Variants in CNTNAP4 observed in about 807,000 individuals in gnomAD.
CNTNAP4 encodes contactin-associated protein-like 4.
In CNTNAP4, 98 loss-of-function variants were observed where a neutral mutation model predicts 148.4. The ratio of observed to expected loss-of-function variants is 0.66; its 90% CI spans 0.56 to 0.78. The LOEUF (loss-of-function observed/expected upper bound fraction) is 0.78. Among genes scored for constraint, CNTNAP4 ranks in the 30% least tolerant of loss-of-function variants. The pLI is 0.00. For missense variants in CNTNAP4, 1,935 were observed against 1,565.6 expected (o/e 1.24, Z -3.98); for synonymous variants, 730 against 565.1 (o/e 1.29, Z -4.14).
Position 76,349,248 on chromosome 16 carries a change from A to G in CNTNAP4, c.197-6070A>G, listed in dbSNP as rs114553731. Among the ~76,000 whole-genome samples, 991 of 152,252 alleles carry G rather than the reference A, an allele frequency of 6.5e-3. 7 individuals carry two copies. The highest frequency in any genetic ancestry group is 0.023 in the African/African-American group (939 of 41,546). On this transcript the variant is annotated intron_variant, in intron 2 of 23. Coordinates refer to ENST00000611870, the MANE Select transcript of CNTNAP4 (RefSeq NM_033401.5). ...TGTATCTTATCTTCTCAGCATTAAT[A>G]GCAGAAAAGAGTCTGTTCTCCAAAT...
intron 17 of CNTNAP4, 36 bp downstream of exon 17, chr16:76,522,293 G>C: frequency 6.4e-7 from 1 of 1,567,342 alleles, no homozygotes; most frequent in Non-Finnish European, 8.8e-7. Flanking sequence ...TTTATTGTAT[G>C]ATATGTGTTC....
chr16:76,422,941 A>G (rs1241859094), intron 3 of CNTNAP4, among the ~76,000 whole-genome samples: 1 of 152,154 alleles, frequency 6.6e-6, no homozygotes, highest in Non-Finnish European at 1.5e-5. Flanking sequence ...ACAAGATGGT[A>G]TTAGGTGGGG....
intron 2 of CNTNAP4, among the ~76,000 whole-genome samples, chr16:76,351,593 A>G (rs753290634): frequency 6.6e-6 from 1 of 152,234 alleles, no homozygotes; most frequent in African/African-American, 2.4e-5. Context: ...ATTACTTGGT[A>G]TAGCCTAGAA....
intron 23 of CNTNAP4, 59 bp downstream of exon 23, chr16:76,553,966 T>A: frequency 9.6e-7 from 1 of 1,042,582 alleles, no homozygotes; most frequent in Non-Finnish European, 1.5e-6. Context: ...TGATGATGAA[T>A]ATTTAGCATT....
intron 3 of CNTNAP4, among the ~76,000 whole-genome samples, chr16:76,367,993 G>T (rs2014360328): frequency 6.6e-6 from 1 of 152,136 alleles, no homozygotes; most frequent in East Asian, 1.9e-4. Context: ...ACTGTCTAGA[G>T]GTGGGAGCCC....
chr16:76,486,825 T>C (rs115858352), intron 12 of CNTNAP4, among the ~76,000 whole-genome samples: 48 of 152,112 alleles, frequency 3.2e-4, no homozygotes, highest in African/African-American at 1.1e-3. Flanking sequence ...AGCCTCATAA[T>C]TTTGTGAACC....
chr16:76,513,924 A>C (rs914270506), intron 15 of CNTNAP4, among the ~76,000 whole-genome samples: 8 of 152,188 alleles, frequency 5.3e-5, no homozygotes, highest in Non-Finnish European at 1.0e-4. Context: ...TGAAATCAGA[A>C]TCACTCTATC....
intron 3 of CNTNAP4, among the ~76,000 whole-genome samples, chr16:76,397,435 CT>C (rs2144808960): frequency 6.6e-6 from 1 of 151,872 alleles, no homozygotes; most frequent in South Asian, 2.1e-4. Context: ...CCATTTTCTC[CT>C]TTTCAAGGAG....
chr16:76,453,972 C>A (rs189547515), intron 8 of CNTNAP4, among the ~76,000 whole-genome samples: 4 of 151,988 alleles, frequency 2.6e-5, no homozygotes, highest in African/African-American at 7.3e-5. Flanking sequence ...TGTAAGCTTG[C>A]CATTAGTGTG....
At chr16:76,300,849 C>G (rs371537811) in intron 1 of CNTNAP4, among the ~76,000 whole-genome samples, 1 of 152,048 alleles carries the variant, frequency 6.6e-6, no homozygotes, top group African/African-American at 2.4e-5. Context: ...ACATTAGACA[C>G]TATGACATAT....
intron 19 of CNTNAP4, 94 bp from the exon 20 acceptor site, chr16:76,539,625 A>T (rs948440387): frequency 1.8e-4 from 189 of 1,049,766 alleles, no homozygotes; most frequent in Non-Finnish European, 2.3e-4. Flanking sequence ...CCTCGAAATG[A>T]ATAAATAGCA....
At chr16:76,496,224 C>G (rs1289531171) in intron 14 of CNTNAP4, among the ~76,000 whole-genome samples, 1 of 151,718 alleles carries the variant, frequency 6.6e-6, no homozygotes, top group South Asian at 2.1e-4. Context: ...GGAAGGCACC[C>G]TTTTCTTATC....
At chr16:76,402,811 A>C (rs1472684619) in intron 3 of CNTNAP4, among the ~76,000 whole-genome samples, 1 of 152,212 alleles carries the variant, frequency 6.6e-6, no homozygotes, top group African/African-American at 2.4e-5. Flanking sequence ...TGCAAAAATC[A>C]TTCAGGAGAA....
At chr16:76,550,061 G>A (rs2084898955) in intron 21 of CNTNAP4, among the ~76,000 whole-genome samples, 4 of 152,158 alleles carry the variant, frequency 2.6e-5, no homozygotes, top group Admixed American at 2.6e-4. Flanking sequence ...TGAAAAAGAA[G>A]TAATACAGCC....
chr16:76,493,488 A>ATT (rs11458373), intron 13 of CNTNAP4, among the ~76,000 whole-genome samples: 39 of 151,346 alleles, frequency 2.6e-4, no homozygotes, highest in Non-Finnish European at 5.2e-4. Context: ...ATTCCTTAGT[A>ATT]TTTTTTTTAA....
intron 1 of CNTNAP4, among the ~76,000 whole-genome samples, chr16:76,304,887 T>G (rs1960325064): frequency 6.6e-6 from 1 of 150,884 alleles, no homozygotes; most frequent in Non-Finnish European, 1.5e-5. Flanking sequence ...TAAGATAGAC[T>G]TTTTTACTCA....
intron 3 of CNTNAP4, among the ~76,000 whole-genome samples, 157 bp downstream of exon 3, chr16:76,355,668 A>G (rs1273196825): frequency 1.3e-5 from 2 of 152,176 alleles, no homozygotes; most frequent in Admixed American, 6.5e-5. Context: ...ATCATTTTCC[A>G]ATACATTTTA....
intron 3 of CNTNAP4, among the ~76,000 whole-genome samples, chr16:76,406,813 A>T (rs1467381608): frequency 6.6e-6 from 1 of 152,148 alleles, no homozygotes; most frequent in Admixed American, 6.6e-5. Flanking sequence ...AAGCTAGCAG[A>T]GGTTGGTTCA....
At chr16:76,326,827 A>C (rs1963030608) in intron 2 of CNTNAP4, among the ~76,000 whole-genome samples, 1 of 152,128 alleles carries the variant, frequency 6.6e-6, no homozygotes, top group South Asian at 2.1e-4. Context: ...GAGGGAAAGC[A>C]TTAGGAGATA....
Sources: allele counts gnomAD v4.1 joint callset (sites outside exome capture counted in the v4.1 genomes callset), GRCh38; gene constraint gnomAD v4.1.1; transcripts MANE v1.5; gene names NCBI Gene and HGNC (gene_info 2026-07-23, HGNC 2026-07-21).